Variants in CACNA2D4 observed in about 807,000 individuals in gnomAD.
CACNA2D4 encodes calcium voltage-gated channel auxiliary subunit alpha2delta 4, also known as voltage-dependent calcium channel subunit alpha-2/delta-4.
A neutral mutation model predicts 163.8 loss-of-function variants in CACNA2D4; 157 were observed. That is an observed-to-expected ratio of 0.96 (90% CI 0.84 to 1.09). CACNA2D4 has a LOEUF of 1.09. Ranked by LOEUF, CACNA2D4 falls within the 50% of genes least tolerant of loss-of-function variation. The pLI is 0.00. For missense variants in CACNA2D4, 1,410 were observed against 1,479.9 expected, an observed-to-expected ratio of 0.95 and a Z score of 0.78; for synonymous variants, 598 against 586.9, an observed-to-expected ratio of 1.02 and a Z score of -0.27.
chr12:1,811,929 C>G (rs1291225374), intron 26 of CACNA2D4: 2 of 582,316 alleles, frequency 3.4e-6, no homozygotes, highest in South Asian at 2.1e-5. Flanking sequence ...CAGCCTCTCT[C>G]GTTCCCACTG....
chr12:1,883,696 C>G lies in CACNA2D4; in HGVS notation c.1351+547G>C, dbSNP rs1866061640. Among the ~76,000 whole-genome samples, 1 of 152,172 alleles carries G rather than the reference C, an allele frequency of 6.6e-6. No individual in the cohort carries two copies. Among genetic ancestry groups the G allele is most frequent in the Non-Finnish European group, 1.5e-5 (1 of 68,042 alleles). On this transcript the variant is annotated intron_variant, in intron 12 of 37. Coordinates refer to ENST00000382722, the MANE Select transcript of CACNA2D4 (RefSeq NM_172364.5). The surrounding 1 kb of genome is among the most constrained non-coding windows in gnomAD (Gnocchi z 4.5). ...CCACTGACTTGGAGAGTGCCTCCCC[C>G]ATGGCCCCCGGCACCCTGAACAGTC...
chr12:1,818,660 G>A (rs1384821044), intron 26 of CACNA2D4, among the ~76,000 whole-genome samples: 1 of 150,620 alleles, frequency 6.6e-6, no homozygotes, highest in Non-Finnish European at 1.5e-5. Context: ...CTCTGCCTAG[G>A]AAAACCAGAG....
chr12:1,914,755 A>G, intron 2 of CACNA2D4, 99 bp downstream of exon 2: 1 of 772,992 alleles, frequency 1.3e-6, no homozygotes, highest in Admixed American at 2.1e-5. Context: ...AACCGATTTG[A>G]TGGGATGCCC....
At position 1,846,468 on chromosome 12, in the gene CACNA2D4, G is replaced by C. The variant is rs1299752664; in HGVS notation, c.2342+126C>G. ...AATCCCGATCCTTCTGCCCTGCTGG[G>C]CTCCCAGGGGTCCAGCATGCTGGAG... is the stretch of plus-strand genomic sequence containing the variant. On this transcript the variant is annotated intron_variant, in intron 24 of 37. Coordinates refer to ENST00000382722, the MANE Select transcript of CACNA2D4 (RefSeq NM_172364.5). The C allele has an allele frequency of 1.5e-5, 11 of 719,998 alleles. No individual in the cohort carries two copies. The East Asian group carries it at 3.0e-4, about 20-fold the overall frequency. The allele number at this position is 719,998 out of a possible 1,614,324, so 44.6% of individuals were successfully genotyped here.
intron 20 of CACNA2D4, among the ~76,000 whole-genome samples, chr12:1,856,635 A>T (rs934448518): frequency 6.6e-6 from 1 of 152,090 alleles, no homozygotes; most frequent in Non-Finnish European, 1.5e-5. Context: ...TATTCCTCCT[A>T]GCATCTCCCT....
At chr12:1,916,363 C>A (rs1866979677) in intron 1 of CACNA2D4, among the ~76,000 whole-genome samples, 1 of 152,216 alleles carries the variant, frequency 6.6e-6, no homozygotes, top group African/African-American at 2.4e-5. Context: ...AGACACAAAT[C>A]TGAATTTAAA....
chr12:1,894,166 A>G (rs977841579), intron 6 of CACNA2D4, among the ~76,000 whole-genome samples: 1 of 152,182 alleles, frequency 6.6e-6, no homozygotes, highest in Admixed American at 6.5e-5. Context: ...CTGGACACAT[A>G]CAAGCTACCA....
rs1301926830 is a variant in CACNA2D4 at position 1,858,596 on chromosome 12, C to T, written c.1989G>A (p.Gly663=). ...SRGHGEYILL[G]NTSVEEGLHD... is the part of the protein sequence containing the mutation. ...ACCCACCTTCTTCCACAGACGTGTT[C>T]CCCAGAAGGATGTATTCTCCGTGGC... Residue 663 remains glycine, a synonymous_variant, in exon 20 of 38, where the codon GGG becomes GGA. Coordinates refer to ENST00000382722, the MANE Select transcript of CACNA2D4 (RefSeq NM_172364.5). 6.2e-7 allele frequency: 1 copy of T among 1,613,428 alleles called. No individual in the cohort carries two copies. Among genetic ancestry groups the T allele is most frequent in the Non-Finnish European group, 8.5e-7 (1 of 1,179,592 alleles).
At chr12:1,872,208 A>C (rs1005331685) in intron 18 of CACNA2D4, among the ~76,000 whole-genome samples, 1 of 152,196 alleles carries the variant, frequency 6.6e-6, no homozygotes, top group Non-Finnish European at 1.5e-5. Flanking sequence ...CGTCTCCTGC[A>C]GATGGTGTGT....
At chr12:1,800,634 G>A (rs1863284227) in intron 31 of CACNA2D4, 196 bp from the exon 32 acceptor site, 1 of 614,664 alleles carries the variant, frequency 1.6e-6, no homozygotes, top group Non-Finnish European at 2.9e-6. Flanking sequence ...AGCTGAGCTA[G>A]CTGGGAAATG....
chr12:1,850,386 A>G (rs536480833), intron 23 of CACNA2D4, among the ~76,000 whole-genome samples: 2 of 152,152 alleles, frequency 1.3e-5, no homozygotes, highest in Non-Finnish European at 2.9e-5. Flanking sequence ...GACTATTTGC[A>G]TTTTTCCTCT....
rs1357511263 is a variant in CACNA2D4, at chr12:1,798,202, C to T, written c.2996-667G>A. Among the ~76,000 whole-genome samples, 3 of 152,200 alleles carry T rather than the reference C, an allele frequency of 2.0e-5. No homozygotes were observed. Among genetic ancestry groups the T allele is most frequent in the Admixed American group, 6.5e-5 (1 of 15,284 alleles). ...AAGGTGGAGGCGAGTGCCTCAGCCC[C>T]GCTCTGCAGGACCCGAGTCCGTTCC... is the stretch of plus-strand genomic sequence containing the variant. On this transcript the variant is annotated intron_variant, in intron 34 of 37. Transcript: ENST00000382722. This position sits in a 1 kb window ranked among gnomAD's most constrained non-coding sequence, Gnocchi z 4.3.
rs1864498458 is a variant in CACNA2D4 at position 1,829,046 on chromosome 12, C to G, written c.2551+11693G>C. Among the ~76,000 whole-genome samples the G allele has an allele frequency of 6.6e-6, 1 of 152,250 alleles. No homozygotes were observed. ...TGAATTATTCACCATGTGAGAGAGGCTGGCCCCTGAGTGACTCAGATCTCC... is the reference window on the plus strand; with the variant it reads ...TGAATTATTCACCATGTGAGAGAGGGTGGCCCCTGAGTGACTCAGATCTCC... On this transcript the variant is annotated intron_variant, in intron 26 of 37. Transcript: ENST00000382722. The surrounding 1 kb of genome is among the most constrained non-coding windows in gnomAD (Gnocchi z 4.2).
chr12:1,795,839 G>A (rs1194152001), intron 35 of CACNA2D4, 59 bp from the exon 36 acceptor site: 1 of 1,078,398 alleles, frequency 9.3e-7, no homozygotes, highest in African/African-American at 1.6e-5. Flanking sequence ...AGGGCTTCTA[G>A]GGAAGGAACT....
rs1233474651 is a variant in CACNA2D4 at position 1,797,116 on chromosome 12, C to T, written c.3113+302G>A. Among the ~76,000 whole-genome samples the T allele has an allele frequency of 2.0e-5, 3 of 152,354 alleles. No homozygotes were observed. The East Asian group carries it at 5.8e-4, about 29-fold the overall frequency. ...CTCGCCCAGAGACGCCGTGGGGTCA[C>T]GGCTGCGGCCTCGGCGGGGTGGGCT... On this transcript the variant is annotated intron_variant, in intron 35 of 37. Coordinates refer to ENST00000382722, the MANE Select transcript of CACNA2D4 (RefSeq NM_172364.5).
chr12:1,856,003 A>G lies in CACNA2D4; in HGVS notation c.2152+9T>C. The G allele has an allele frequency of 6.2e-7, 1 of 1,609,940 alleles. No homozygotes were observed. ...GAAAAGCTTGCCTCAGTGGGCGGCC[A>G]GCACTCACACTCCAGGTCTGGGTCC... On this transcript the variant is annotated intron_variant, in intron 22 of 37. Coordinates refer to ENST00000382722, the MANE Select transcript of CACNA2D4 (RefSeq NM_172364.5).
At chr12:1,885,902 C>A in intron 9 of CACNA2D4, 63 bp downstream of exon 9, 1 of 1,219,630 alleles carries the variant, frequency 8.2e-7, no homozygotes, top group Non-Finnish European at 1.2e-6. Flanking sequence ...TCTACAGAGA[C>A]AACCGCCCAC....
At chr12:1,808,179 CG>C (rs910751112) in intron 29 of CACNA2D4, among the ~76,000 whole-genome samples, 1 of 152,068 alleles carries the variant, frequency 6.6e-6, no homozygotes, top group African/African-American at 2.4e-5. Context: ...GGAGAGGCCA[CG>C]TGCTCTCCAG....
chr12:1,830,851 T>C, intron 26 of CACNA2D4: 7 of 1,161,954 alleles, frequency 6.0e-6, no homozygotes, highest in Non-Finnish European at 8.4e-6. Context: ...AAGAGCCTGT[T>C]ATGAGCTAGA....
Sources: gnomAD v4.1 joint callset for allele counts (sites outside exome capture counted in the v4.1 genomes callset) on GRCh38, gnomAD v4.1.1 for gene constraint, Gnocchi (gnomAD v3.1) non-coding constraint, MANE v1.5 for transcripts, NCBI Gene and HGNC (gene_info 2026-07-23, HGNC 2026-07-21) for gene names.